The following CELF6 variants were observed in gnomAD, a reference collection of about 807,000 sequenced individuals.
CELF6 encodes the protein CUGBP Elav-like family member 6, also known as Bruno -like 6, RNA binding protein.
A neutral mutation model predicts 53.1 loss-of-function variants in CELF6; 32 were observed. The ratio of observed to expected loss-of-function variants is 0.60; its 90% CI spans 0.46 to 0.81. CELF6 has a LOEUF of 0.81. CELF6 is among the 30% of genes least tolerant of loss of function. CELF6 has a pLI of 0.00. For missense variants in CELF6, 539 were observed against 669.5 expected, an observed-to-expected ratio of 0.81 and a Z score of 2.15; for synonymous variants, 291 against 288.8, an observed-to-expected ratio of 1.01 and a Z score of -0.08.
At chr15:72,295,675 G>T (rs75355981) in intron 3 of CELF6, among the ~76,000 whole-genome samples, 4,348 of 148,146 alleles carry the variant, frequency 0.029, 140 homozygotes, top group East Asian at 0.16. Flanking sequence ...GCAGTGAGCC[G>T]AGATCACGCC....
chr15:72,319,704 C>A lies in CELF6; in HGVS notation c.171G>T (p.Leu57Phe). The A allele has an allele frequency of 6.3e-7, 1 of 1,595,604 alleles. No individual in the cohort carries two copies. The highest frequency in any genetic ancestry group is 2.3e-5 in the East Asian group (1 of 44,014). ...ACAGCGGCTTGAGGTCCTGCTCGTCCAAGCCCCGCGGGATCTGCCCCACGA... is the reference window on the plus strand; with the variant it reads ...ACAGCGGCTTGAGGTCCTGCTCGTCAAAGCCCCGCGGGATCTGCCCCACGA... The part of the protein sequence containing the change: ...KLFVGQIPRG[L>F]DEQDLKPLFE... Residue 57 changes from leucine (L) to phenylalanine (F), a missense_variant, in exon 1 of 13, where the codon TTG becomes TTT. Transcript: ENST00000287202. The surrounding 1 kb of genome is among the most constrained non-coding windows in gnomAD (Gnocchi z 5.0).
intron 3 of CELF6, among the ~76,000 whole-genome samples, chr15:72,291,588 G>A (rs1487311227): frequency 6.6e-6 from 1 of 152,198 alleles, no homozygotes; most frequent in Non-Finnish European, 1.5e-5. Context: ...ACTGAAGCCT[G>A]GGTGACAGCG....
At chr15:72,299,111 G>A (rs796765171) in intron 3 of CELF6, among the ~76,000 whole-genome samples, 9 of 151,900 alleles carry the variant, frequency 5.9e-5, no homozygotes, top group African/African-American at 1.2e-4. Context: ...GGGAGGGTGA[G>A]GCAGGAGAAT....
chr15:72,290,113 T>G lies in CELF6; in HGVS notation c.523+14A>C. On this transcript the variant is annotated intron_variant, in intron 4 of 12. Transcript: ENST00000287202. ...GAAGGGTCACCAGGAAATCCCGGGG[T>G]CAGCTCAGGTCACCTTTACTGGTGC... is the stretch of plus-strand genomic sequence containing the variant. 1.2e-6 allele frequency: 2 copies of G among 1,612,764 alleles called. No individual in the cohort carries two copies. The highest frequency in any genetic ancestry group is 1.7e-6 in the Non-Finnish European group (2 of 1,179,454).
At chr15:72,312,777 C>T (rs1394771190) in intron 2 of CELF6, among the ~76,000 whole-genome samples, 1 of 152,214 alleles carries the variant, frequency 6.6e-6, no homozygotes, top group African/African-American at 2.4e-5. Context: ...CTTGTCCCTG[C>T]TTCTCCAGCA....
chr15:72,314,159 C>A (rs1373644808), intron 2 of CELF6, among the ~76,000 whole-genome samples: 1 of 152,200 alleles, frequency 6.6e-6, no homozygotes, highest in African/African-American at 2.4e-5. Flanking sequence ...GTGCTTGGTT[C>A]TAGGAGCTGT....
rs144682282 is a variant in CELF6, at chr15:72,300,910, A to C, written c.394+3836T>G. Reference sequence around the variant, plus strand: ...GCAGATGGAAAAAGAAGCAATTATGATAGGTTTGGTAGGCTCTCACAGTGC... The same window carrying C: ...GCAGATGGAAAAAGAAGCAATTATGCTAGGTTTGGTAGGCTCTCACAGTGC... On this transcript the variant is annotated intron_variant, in intron 3 of 12. Transcript: ENST00000287202. Among the ~76,000 whole-genome samples the C allele has an allele frequency of 2.0e-5, 3 of 152,060 alleles. No homozygotes were observed. In the East Asian group the frequency reaches 5.8e-4, roughly 29 times the overall value.
At chr15:72,309,451 C>CATA (rs1387703655) in intron 2 of CELF6, among the ~76,000 whole-genome samples, 1 of 152,074 alleles carries the variant, frequency 6.6e-6, no homozygotes, top group Non-Finnish European at 1.5e-5. Context: ...AAGAGGAGGG[C>CATA]ATATTGGCTG....
chr15:72,300,662 C>T (rs2088141718), intron 3 of CELF6, among the ~76,000 whole-genome samples: 2 of 152,154 alleles, frequency 1.3e-5, no homozygotes, highest in African/African-American at 2.4e-5. Context: ...GGCGAAACCT[C>T]GTCTCTACTA....
At chr15:72,314,692 T>G (rs1379977389) in intron 2 of CELF6, among the ~76,000 whole-genome samples, 1 of 151,058 alleles carries the variant, frequency 6.6e-6, no homozygotes. Flanking sequence ...CCTCCCAGGT[T>G]CAAGTGATTC....
At chr15:72,301,860 C>A (rs2088160526) in intron 3 of CELF6, among the ~76,000 whole-genome samples, 1 of 152,010 alleles carries the variant, frequency 6.6e-6, no homozygotes, top group African/African-American at 2.4e-5. Flanking sequence ...TCTCAGCCTC[C>A]TGAGTAGATG....
chr15:72,319,822 A>C lies in CELF6; in HGVS notation c.53T>G (p.Leu18Arg), dbSNP rs1403610288. ...GCCGCTGTCCGCGGTGCTGAAACCCAGGCGCGGGCCGGGGCCAGCGGGCTG... is the reference window on the plus strand; with the variant it reads ...GCCGCTGTCCGCGGTGCTGAAACCCCGGCGCGGGCCGGGGCCAGCGGGCTG... ...SAQPAGPGPR[L>R]GFSTADSGVG... The change falls in exon 1 of 13, where the codon CTG becomes CGG. Residue 18 changes from leucine (L) to arginine (R), a missense_variant. This residue lies in a region of CELF6 where 84 missense variants were observed against 87.9 expected (regional missense o/e 0.96). Coordinates refer to ENST00000287202, the MANE Select transcript of CELF6 (RefSeq NM_052840.5). The surrounding 1 kb of genome is among the most constrained non-coding windows in gnomAD (Gnocchi z 5.0). 6.5e-7 allele frequency: 1 copy of C among 1,550,352 alleles called. No homozygotes were observed. Among genetic ancestry groups the C allele is most frequent in the Non-Finnish European group, 8.7e-7 (1 of 1,146,466 alleles).
At position 72,315,826 on chromosome 15, in the gene CELF6, C is replaced by T. The variant is rs765088411; in HGVS notation, c.345+19G>A. Reference sequence around the variant, plus strand: ...CCCCAGCCTGAGGTGATTCCCACCCCCCAACCTGGAGGACTTACCCCTGGC... The same window carrying T: ...CCCCAGCCTGAGGTGATTCCCACCCTCCAACCTGGAGGACTTACCCCTGGC... On this transcript the variant is annotated intron_variant, in intron 2 of 12. Coordinates refer to ENST00000287202, the MANE Select transcript of CELF6 (RefSeq NM_052840.5). 6.4e-7 allele frequency: 1 copy of T among 1,563,516 alleles called. No homozygotes were observed. Among genetic ancestry groups the T allele is most frequent in the East Asian group, 2.3e-5 (1 of 43,468 alleles).
At chr15:72,302,054 G>A (rs958135601) in intron 3 of CELF6, among the ~76,000 whole-genome samples, 3 of 152,186 alleles carry the variant, frequency 2.0e-5, no homozygotes, top group South Asian at 4.1e-4. Flanking sequence ...ACTTTCTAAA[G>A]CATTAGGTTG....
intron 3 of CELF6, among the ~76,000 whole-genome samples, chr15:72,295,024 T>C (rs1249159042): frequency 1.5e-5 from 2 of 134,540 alleles, no homozygotes; most frequent in Non-Finnish European, 3.2e-5. Context: ...CTATTTGCAA[T>C]AGCATCGAAA....
chr15:72,297,988 A>G (rs1010140121), intron 3 of CELF6, among the ~76,000 whole-genome samples: 10 of 152,240 alleles, frequency 6.6e-5, no homozygotes, highest in African/African-American at 2.4e-4. Flanking sequence ...CAAGTAGTAC[A>G]GGTGAAATCT....
In CELF6 at chr15:72,315,872, T is replaced by C; in HGVS notation, c.318A>G (p.Ala106=). 3 of 1,606,810 alleles carry C rather than the reference T, an allele frequency of 1.9e-6. No homozygotes were observed. Among genetic ancestry groups the C allele is most frequent in the Non-Finnish European group, 2.5e-6 (3 of 1,176,970 alleles). The change falls in exon 2 of 13, where the codon GCA becomes GCG. Residue 106 remains alanine (A), a synonymous_variant. Transcript: ENST00000287202. ...CTGGCAGGGTCTTCTGCTCGTGCAG[T>C]GCACTCTGGGCCTTGAGAGCAGAGT... ...ARDSALKAQS[A]LHEQKTLPGM...
rs117200087 is a variant in CELF6, at chr15:72,302,974, C to T, written c.394+1772G>A. ...ACACTGAATTGTGTTCCCTTGTTTA[C>T]TTGTCCATATCCTCTCATAGCATCC... On this transcript the variant is annotated intron_variant, in intron 3 of 12. Transcript: ENST00000287202. Among the ~76,000 whole-genome samples, 13 of 152,344 alleles carry T rather than the reference C, an allele frequency of 8.5e-5. No homozygotes were observed. The East Asian group carries it at 2.5e-3, about 29-fold the overall frequency.
chr15:72,298,394 G>C (rs1438776162), intron 3 of CELF6, among the ~76,000 whole-genome samples: 1 of 152,226 alleles, frequency 6.6e-6, no homozygotes, highest in Non-Finnish European at 1.5e-5. Context: ...ATTGGCTTTT[G>C]AGTTGAACCA....
Sources: gnomAD v4.1 joint callset for allele counts (sites outside exome capture counted in the v4.1 genomes callset) on GRCh38, gnomAD v4.1.1 for gene constraint, gnomAD v4.1.1 regional missense constraint, Gnocchi (gnomAD v3.1) non-coding constraint, MANE v1.5 for transcripts, NCBI Gene and HGNC (gene_info 2026-07-23, HGNC 2026-07-21) for gene names.